Variants in ANKHD1 observed in about 807,000 individuals in gnomAD.
ANKHD1 encodes ankyrin repeat and KH domain-containing protein 1.
A neutral mutation model predicts 230.5 loss-of-function variants in ANKHD1; 31 were observed. That is an observed-to-expected ratio of 0.13 (90% confidence interval 0.10 to 0.18). ANKHD1 has a LOEUF of 0.18. ANKHD1 is among the 10% of genes least tolerant of loss of function. The pLI is 1.00. For synonymous variants in ANKHD1, 1,074 were observed against 1,117.6 expected (o/e 0.96, Z 0.78); for missense variants, 2,256 against 3,071.3 (o/e 0.73, Z 6.27).
intron 24 of ANKHD1, among the ~76,000 whole-genome samples, chr5:140,515,577 C>A (rs571726201): frequency 6.6e-6 from 1 of 152,182 alleles, no homozygotes; most frequent in Admixed American, 6.6e-5. Context: ...TCTCCCAGCA[C>A]GCAGCTGGAG....
chr5:140,515,487 G>A (rs558942233), intron 24 of ANKHD1, among the ~76,000 whole-genome samples: 2 of 152,280 alleles, frequency 1.3e-5, no homozygotes, highest in South Asian at 2.1e-4. Context: ...GAGCAGCTCC[G>A]GTCTACAGCT....
rs769816577 is a variant in ANKHD1 at position 140,510,095 on chromosome 5, G to A, written c.4018G>A (p.Val1340Ile). Residue 1340 changes from valine (V) to isoleucine (I), a missense_variant, in exon 22 of 34, where the codon GTT (valine) becomes ATT (isoleucine). This residue lies in a region of ANKHD1 where 195 missense variants were observed against 340.3 expected (regional missense o/e 0.57). Transcript: ENST00000360839. ...GGCATCCAATGGAGGTCATTTTGAT[G>A]TTGTGCAGTTGCTAGTGCAAGCAGG... ...WLASNGGHFDVVQLLVQAGAD... is the reference protein window; with the variant it reads ...WLASNGGHFDIVQLLVQAGAD... The A allele has an allele frequency of 1.2e-6, 2 of 1,614,094 alleles. No homozygotes were observed. The highest frequency in any genetic ancestry group is 3.3e-5 in the Admixed American group (2 of 60,002).
chr5:140,475,974 A>G (rs1750944328), intron 10 of ANKHD1, among the ~76,000 whole-genome samples: 1 of 152,242 alleles, frequency 6.6e-6, no homozygotes, highest in Non-Finnish European at 1.5e-5. Context: ...AGAATTATGA[A>G]CATGTTTATT....
rs184741711 is a variant in ANKHD1, at chr5:140,515,162, C to T, written c.4317+1683C>T. On this transcript the variant is annotated intron_variant, in intron 24 of 33. Coordinates refer to ENST00000360839, the MANE Select transcript of ANKHD1 (RefSeq NM_017747.3). Reference sequence around the variant, plus strand: ...GTGTGGTAGTGCATGCCTGTAGCCCCAGCTACTTAGGAGGCTGAGGCAGGA... The same window carrying T: ...GTGTGGTAGTGCATGCCTGTAGCCCTAGCTACTTAGGAGGCTGAGGCAGGA... Among the ~76,000 whole-genome samples, 33 of 151,786 alleles carry T rather than the reference C, an allele frequency of 2.2e-4. 1 individual carries two copies. In the East Asian group the frequency reaches 5.4e-3, roughly 25 times the overall value.
chr5:140,497,877 CCACACACACACACACACACACA>C (rs36224738), intron 15 of ANKHD1, among the ~76,000 whole-genome samples: 4 of 144,516 alleles, frequency 2.8e-5, no homozygotes, highest in African/African-American at 5.2e-5. Context: ...CCACACCACA[CCACACACACACACACACACACA>C]CACACACACA....
intron 14 of ANKHD1, among the ~76,000 whole-genome samples, chr5:140,488,059 G>A (rs542816433): frequency 3.5e-4 from 53 of 152,286 alleles, no homozygotes; most frequent in African/African-American, 1.3e-3. Context: ...AATTCTAGCA[G>A]TTTTTCATGG....
chr5:140,422,707 G>A (rs1772090872), intron 1 of ANKHD1, among the ~76,000 whole-genome samples: 1 of 151,094 alleles, frequency 6.6e-6, no homozygotes, highest in South Asian at 2.1e-4. Context: ...ATACTCAGGA[G>A]GCTGAGGCTG....
intron 22 of ANKHD1, 142 bp from the exon 23 acceptor site, chr5:140,512,686 C>A: frequency 1.7e-6 from 1 of 599,614 alleles, no homozygotes; most frequent in Non-Finnish European, 2.8e-6. Context: ...GAAGTATTTG[C>A]CTTTTTATTC....
Position 140,529,521 on chromosome 5 carries a change from A to G in ANKHD1, c.6575A>G (p.His2192Arg). 1 of 1,614,212 alleles carries G rather than the reference A, an allele frequency of 6.2e-7. No homozygotes were observed. Among genetic ancestry groups the G allele is most frequent in the East Asian group, 2.2e-5 (1 of 44,890 alleles). ...AACATTATGAATGGTTCTCAGATGC[A>G]CATAAACCCAGCAAATAAGTCTTTG... Reference protein sequence around the residue: ...AVNIMNGSQMHINPANKSLPP... With the variant: ...AVNIMNGSQMRINPANKSLPP... The change falls in exon 29 of 34, where the codon CAC becomes CGC. Residue 2192 changes from histidine to arginine, a missense_variant. Around this residue, in one of 13 missense-constraint regions of ANKHD1, gnomAD observed 778 missense variants for 966.5 expected, o/e 0.80. Transcript: ENST00000360839.
intron 14 of ANKHD1, among the ~76,000 whole-genome samples, chr5:140,491,069 T>A (rs1463883810): frequency 7.0e-6 from 1 of 143,750 alleles, no homozygotes; most frequent in Non-Finnish European, 1.5e-5. Flanking sequence ...ATTTTTTATA[T>A]GTATGTATAT....
intron 15 of ANKHD1, among the ~76,000 whole-genome samples, chr5:140,504,179 A>G (rs966441446): frequency 6.6e-6 from 1 of 151,654 alleles, no homozygotes; most frequent in African/African-American, 2.4e-5. Context: ...CCTCCCAAGT[A>G]GCTGGGATTA....
intron 14 of ANKHD1, among the ~76,000 whole-genome samples, chr5:140,490,027 C>A (rs952925555): frequency 1.3e-5 from 2 of 152,118 alleles, no homozygotes; most frequent in Admixed American, 6.6e-5. Context: ...TAAATAAAGA[C>A]TTAACTTTTT....
intron 1 of ANKHD1, among the ~76,000 whole-genome samples, chr5:140,435,645 C>G (rs1175080513): frequency 1.3e-5 from 2 of 152,026 alleles, no homozygotes; most frequent in Non-Finnish European, 2.9e-5. Flanking sequence ...TTCCAAAGTG[C>G]TAGGATTACA....
chr5:140,466,592 G>A (rs1042969582), intron 10 of ANKHD1, among the ~76,000 whole-genome samples: 1 of 152,002 alleles, frequency 6.6e-6, no homozygotes, highest in Non-Finnish European at 1.5e-5. Context: ...TACATTAATT[G>A]AACAGATAGA....
At chr5:140,474,875 A>G (rs1002592457) in intron 10 of ANKHD1, among the ~76,000 whole-genome samples, 2 of 152,144 alleles carry the variant, frequency 1.3e-5, no homozygotes, top group Admixed American at 6.5e-5. Context: ...CTACTTATCA[A>G]TGTATTTCAA....
chr5:140,449,655 C>T (rs990244732), intron 7 of ANKHD1, among the ~76,000 whole-genome samples: 12 of 143,302 alleles, frequency 8.4e-5, no homozygotes, highest in Middle Eastern at 3.8e-3. Flanking sequence ...GAGCGAGACT[C>T]GGTCTCAAAA....
At chr5:140,408,757 C>G (rs1770683549) in intron 1 of ANKHD1, among the ~76,000 whole-genome samples, 1 of 151,962 alleles carries the variant, frequency 6.6e-6, no homozygotes, top group Admixed American at 6.6e-5. Flanking sequence ...CTGGCTGTTG[C>G]CCTGGCTACA....
chr5:140,493,360 C>T (rs748261299), intron 14 of ANKHD1, among the ~76,000 whole-genome samples: 10 of 152,250 alleles, frequency 6.6e-5, no homozygotes, highest in Non-Finnish European at 1.0e-4. Flanking sequence ...CCACCGCACC[C>T]GGCCACCTTT....
chr5:140,409,443 T>C (rs1310638570), intron 1 of ANKHD1, among the ~76,000 whole-genome samples: 4 of 152,228 alleles, frequency 2.6e-5, no homozygotes, highest in African/African-American at 7.2e-5. Context: ...AAATTATCAT[T>C]TGTAGTGATA....
Sources: gnomAD v4.1 joint callset for allele counts (sites outside exome capture counted in the v4.1 genomes callset) on GRCh38, gnomAD v4.1.1 for gene constraint, gnomAD v4.1.1 regional missense constraint, MANE v1.5 for transcripts, NCBI Gene and HGNC (gene_info 2026-07-23, HGNC 2026-07-21) for gene names.